AFDN: variants seen among roughly 807,000 people sequenced by gnomAD.
AFDN encodes the protein afadin, adherens junction formation factor, also known as afadin.
AFDN carries 68 observed loss-of-function variants against 216.6 expected under a neutral mutation model. The ratio of observed to expected loss-of-function variants is 0.31; its 90% CI spans 0.26 to 0.38. AFDN has a LOEUF of 0.38. Ranked by LOEUF, AFDN falls within the 10% of genes least tolerant of loss-of-function variation. The pLI is 1.00. For synonymous variants in AFDN, 868 were observed against 853.7 expected (o/e 1.02, Z -0.29); for missense variants, 2,136 against 2,342.0 (o/e 0.91, Z 1.82).
intron 25 of AFDN, 29 bp downstream of exon 25, chr6:167,943,504 A>T: frequency 1.3e-6 from 2 of 1,561,094 alleles, no homozygotes; most frequent in Non-Finnish European, 1.8e-6. Flanking sequence ...CTTGAAGCAT[A>T]GTATTAGCAT....
chr6:167,827,341 CCCCCTCCCCCCTCCGCCCCTTCTCT>C, intron 1 of AFDN, 104 bp downstream of exon 1: 1 of 101,140 alleles, frequency 9.9e-6, no homozygotes, highest in South Asian at 4.5e-4. Context: ...GCCCTCCTTT[CCCCCTCCCCCCTCCGCCCCTTCTCT>C]CCCCTCCCCC....
chr6:167,920,177 G>T (rs1791598726), intron 21 of AFDN, among the ~76,000 whole-genome samples: 1 of 152,184 alleles, frequency 6.6e-6, no homozygotes, highest in Admixed American at 6.5e-5. Context: ...AGGAAGAGGG[G>T]TAGGAGCAGG....
chr6:167,946,728 G>C lies in AFDN; in HGVS notation c.3380G>C (p.Gly1127Ala), dbSNP rs1397839297. The C allele has an allele frequency of 6.2e-7, 1 of 1,613,884 alleles. No homozygotes were observed. Among genetic ancestry groups the C allele is most frequent in the African/African-American group, 1.3e-5 (1 of 74,894 alleles). The change falls in exon 27 of 34, where the codon GGT becomes GCT. Residue 1127 changes from glycine to alanine, a missense_variant. Physicochemically the swap from Gly to Ala is moderately conservative, Grantham distance 60. Coordinates refer to ENST00000683244, the MANE Select transcript of AFDN (RefSeq NM_001386888.1). Reference sequence around the variant, plus strand: ...CCAGTTTCAGATCGTCGTGGCTCAGGTAAACCCCGACCAAAGAGTGAAGGC... The same window carrying C: ...CCAGTTTCAGATCGTCGTGGCTCAGCTAAACCCCGACCAAAGAGTGAAGGC... Reference protein sequence around the residue: ...MQRISDRRGSGKPRPKSEGFE... With the variant: ...MQRISDRRGSAKPRPKSEGFE...
At chr6:167,901,102 T>C (rs192937724) in intron 11 of AFDN, among the ~76,000 whole-genome samples, 11 of 152,348 alleles carry the variant, frequency 7.2e-5, no homozygotes, top group Admixed American at 3.3e-4. Flanking sequence ...TTTCAACTTT[T>C]ACATTACTTC....
chr6:167,955,865 C>T (rs1390040824), intron 30 of AFDN, among the ~76,000 whole-genome samples: 1 of 151,938 alleles, frequency 6.6e-6, no homozygotes, highest in Non-Finnish European at 1.5e-5. Flanking sequence ...CCTGTAATCC[C>T]AGCACTTTGG....
intron 13 of AFDN, among the ~76,000 whole-genome samples, chr6:167,908,975 TTTAA>T (rs1190757700): frequency 6.6e-6 from 1 of 152,156 alleles, no homozygotes; most frequent in Admixed American, 6.5e-5. Context: ...GGGGACGACT[TTTAA>T]TTGTCACTAA....
At chr6:167,923,686 G>A (rs545940142) in intron 22 of AFDN, among the ~76,000 whole-genome samples, 62 of 146,862 alleles carry the variant, frequency 4.2e-4, no homozygotes, top group African/African-American at 1.5e-3. Context: ...ATGCAGTGGC[G>A]CGATTTGGCT....
At chr6:167,956,956 G>A (rs753636352) in intron 30 of AFDN, among the ~76,000 whole-genome samples, 65 of 152,308 alleles carry the variant, frequency 4.3e-4, no homozygotes, top group Middle Eastern at 3.4e-3. Context: ...TGTCCTCACA[G>A]CCCTCCTAAG....
chr6:167,841,937 C>G (rs144520274), intron 1 of AFDN, among the ~76,000 whole-genome samples: 1 of 151,940 alleles, frequency 6.6e-6, no homozygotes, highest in Non-Finnish European at 1.5e-5. Flanking sequence ...TTCTTACCTC[C>G]CATTCACTCA....
rs199511704 is a variant in AFDN, at chr6:167,962,449, G to A, written c.4850G>A (p.Arg1617Gln). The A allele has an allele frequency of 4.9e-4, 791 of 1,613,662 alleles. 2 individuals carry two copies. Among genetic ancestry groups the A allele is most frequent in the Non-Finnish European group, 4.0e-4 (473 of 1,179,852 alleles). ...ERRARLQDEERRRQQQLEEMR... is the reference protein window; with the variant it reads ...ERRARLQDEEQRRQQQLEEMR... ...TGTTGTTAGTTGCAGGACGAGGAGCGGAGGCGGCAGCAGCAGTTAGAAGAG... is the reference window on the plus strand; with the variant it reads ...TGTTGTTAGTTGCAGGACGAGGAGCAGAGGCGGCAGCAGCAGTTAGAAGAG... Residue 1617 changes from arginine (R) to glutamine (Q), a missense_variant, in exon 31 of 34, where the codon CGG becomes CAG. By Grantham distance (43) the Arg-to-Gln change is conservative. Transcript: ENST00000683244. The surrounding 1 kb of genome is among the most constrained non-coding windows in gnomAD (Gnocchi z 5.2).
chr6:167,929,324 C>T (rs745609218), intron 23 of AFDN, among the ~76,000 whole-genome samples: 1 of 151,464 alleles, frequency 6.6e-6, no homozygotes, highest in African/African-American at 2.4e-5. Context: ...GTACTTCTAA[C>T]TGGGTTGTAG....
chr6:167,844,081 C>G (rs144783130), intron 1 of AFDN, among the ~76,000 whole-genome samples: 1 of 151,992 alleles, frequency 6.6e-6, no homozygotes, highest in Non-Finnish European at 1.5e-5. Flanking sequence ...GAAGGTCTCC[C>G]TTTCTCCTCT....
At chr6:167,946,619 T>A in intron 26 of AFDN, 88 bp from the exon 27 acceptor site, 2 of 1,195,780 alleles carry the variant, frequency 1.7e-6, no homozygotes, top group Non-Finnish European at 2.4e-6. Context: ...TTATTTCTTA[T>A]GCTAAGAACA....
intron 5 of AFDN, among the ~76,000 whole-genome samples, chr6:167,875,838 A>C (rs1198874094): frequency 1.3e-5 from 2 of 152,188 alleles, no homozygotes; most frequent in Non-Finnish European, 2.9e-5. Context: ...CTCCATTCTC[A>C]AACTATTATT....
At chr6:167,858,730 G>GT (rs1349771187) in intron 1 of AFDN, among the ~76,000 whole-genome samples, 1 of 152,180 alleles carries the variant, frequency 6.6e-6, no homozygotes, top group African/African-American at 2.4e-5. Context: ...ATTGGATTGT[G>GT]TTTGCTAAGT....
intron 30 of AFDN, among the ~76,000 whole-genome samples, chr6:167,957,985 C>T (rs904656386): frequency 6.6e-6 from 1 of 152,142 alleles, no homozygotes; most frequent in Non-Finnish European, 1.5e-5. Flanking sequence ...GTCCCCAAAC[C>T]CACCATGGGA....
chr6:167,859,076 T>G (rs902641489), intron 1 of AFDN, among the ~76,000 whole-genome samples: 2 of 150,994 alleles, frequency 1.3e-5, no homozygotes, highest in Admixed American at 6.6e-5. Flanking sequence ...TTCTTGTTTT[T>G]TTTTTTTTTT....
chr6:167,966,081 G>C, intron 32 of AFDN, 36 bp downstream of exon 32: 1 of 1,538,306 alleles, frequency 6.5e-7, no homozygotes, highest in Non-Finnish European at 8.7e-7. Flanking sequence ...AAAGTCTCAT[G>C]GGGACCTTCT....
intron 12 of AFDN, among the ~76,000 whole-genome samples, chr6:167,902,765 A>G (rs1789153977): frequency 6.6e-6 from 1 of 152,244 alleles, no homozygotes; most frequent in African/African-American, 2.4e-5. Context: ...TACCACAGGT[A>G]GCTGAACTGT....
Sources: allele counts gnomAD v4.1 joint callset (sites outside exome capture counted in the v4.1 genomes callset), GRCh38; gene constraint gnomAD v4.1.1; non-coding constraint Gnocchi (gnomAD v3.1); transcripts MANE v1.5; gene names NCBI Gene and HGNC (gene_info 2026-07-23, HGNC 2026-07-21).